The following BEND7 variants were observed in gnomAD, a reference collection of about 807,000 sequenced individuals.
The protein encoded by BEND7 is BEN domain containing 7, also known as BEN domain-containing protein 7.
In BEND7, 28 loss-of-function variants were observed where a neutral mutation model predicts 50.9. The ratio of observed to expected loss-of-function variants is 0.55; its 90% CI spans 0.41 to 0.75. BEND7 has a LOEUF of 0.75. Ranked by LOEUF, BEND7 falls within the 30% of genes least tolerant of loss-of-function variation. The pLI is 0.00. For synonymous variants in BEND7, 170 were observed against 183.9 expected (o/e 0.92, Z 0.61); for missense variants, 477 against 491.3 (o/e 0.97, Z 0.28).
intron 2 of BEND7, among the ~76,000 whole-genome samples, chr10:13,516,936 T>A (rs1362017481): frequency 6.6e-6 from 1 of 152,202 alleles, no homozygotes; most frequent in Non-Finnish European, 1.5e-5. Flanking sequence ...TTTCTCAGTG[T>A]CCATTGAAGA....
chr10:13,441,445 GC>G lies in BEND7; in HGVS notation c.*297del. 1 of 1,163,126 alleles carries G rather than the reference GC, an allele frequency of 8.6e-7. No homozygotes were observed. Among genetic ancestry groups the G allele is most frequent in the South Asian group, 4.1e-5 (1 of 24,618 alleles). The allele number at this position is 1,163,126 out of a possible 1,614,324, so 72.1% of individuals were successfully genotyped here. A position where few individuals can be genotyped will look rare whatever the true frequency, so the allele number is the denominator to read the frequency against. On this transcript the variant is annotated 3_prime_UTR_variant, in exon 9 of 9. Transcript: ENST00000466271. ...TTTCCAGTGTGTAGATCCGTTCATC[GC>G]ACACATCTTTGGGTTGAACAAGCTC... is the stretch of plus-strand genomic sequence containing the variant.
intron 6 of BEND7, among the ~76,000 whole-genome samples, chr10:13,466,157 G>T (rs970940942): frequency 6.6e-6 from 1 of 151,828 alleles, no homozygotes; most frequent in Admixed American, 6.6e-5. Flanking sequence ...CAATGGTTAC[G>T]TCGTATTTAC....
chr10:13,475,387 C>T (rs1417824058), intron 6 of BEND7, among the ~76,000 whole-genome samples: 1 of 152,194 alleles, frequency 6.6e-6, no homozygotes, highest in Non-Finnish European at 1.5e-5. Flanking sequence ...AACATTTAAA[C>T]TAGAATTTGA....
intron 3 of BEND7, among the ~76,000 whole-genome samples, chr10:13,499,528 T>G (rs1354466447): frequency 1.3e-5 from 2 of 152,186 alleles, no homozygotes; most frequent in Non-Finnish European, 2.9e-5. Context: ...TTTAACCTCT[T>G]AAAGGGCTAA....
chr10:13,509,442 C>T (rs1275502313), intron 2 of BEND7, among the ~76,000 whole-genome samples: 1 of 152,186 alleles, frequency 6.6e-6, no homozygotes, highest in Non-Finnish European at 1.5e-5. Flanking sequence ...GAGGCAAGGG[C>T]TGGTGCCTGT....
At chr10:13,513,054 A>G (rs1392810246) in intron 2 of BEND7, among the ~76,000 whole-genome samples, 2 of 152,222 alleles carry the variant, frequency 1.3e-5, no homozygotes, top group Non-Finnish European at 2.9e-5. Flanking sequence ...ACAACTCTTA[A>G]CAACAGTGTG....
chr10:13,455,253 G>A (rs781472288), intron 6 of BEND7, among the ~76,000 whole-genome samples: 30 of 152,106 alleles, frequency 2.0e-4, no homozygotes, highest in Middle Eastern at 6.8e-3. Context: ...GAGTGGAAAG[G>A]GCACAGGCTG....
At chr10:13,508,992 T>C (rs2078093159) in intron 2 of BEND7, among the ~76,000 whole-genome samples, 1 of 152,072 alleles carries the variant, frequency 6.6e-6, no homozygotes, top group Non-Finnish European at 1.5e-5. Context: ...AGGATCCTAG[T>C]GGGAAAACAG....
Position 13,441,582 on chromosome 10 carries a change from T to C in BEND7, c.*161A>G. 1 of 1,465,888 alleles carries C rather than the reference T, an allele frequency of 6.8e-7. No homozygotes were observed. The highest frequency in any genetic ancestry group is 9.0e-7 in the Non-Finnish European group (1 of 1,108,802). The allele number at this position is 1,465,888 out of a possible 1,614,324, so 90.8% of individuals were successfully genotyped here. A position where few individuals can be genotyped will look rare whatever the true frequency, so the allele number is the denominator to read the frequency against. ...CAGACCACAGTTGGAAGTTAGCGTTTCTGCCTTGACCAGCAACATACTCAT... is the reference window on the plus strand; with the variant it reads ...CAGACCACAGTTGGAAGTTAGCGTTCCTGCCTTGACCAGCAACATACTCAT... On this transcript the variant is annotated 3_prime_UTR_variant, in exon 9 of 9. Transcript: ENST00000466271.
At position 13,528,754 on chromosome 10, in the gene BEND7, G is replaced by A. The variant is rs1304111333; in HGVS notation, c.-221C>T. ...GGGGCCCGGCGGCGTGGGCTCCCGG[G>A]CGAAGTTGCCCCCGCGCGGCGCCGC... On this transcript the variant is annotated 5_prime_UTR_variant, in exon 1 of 9. Transcript: ENST00000466271. The A allele has an allele frequency of 6.7e-6, 1 of 148,322 alleles. No individual in the cohort carries two copies. Among genetic ancestry groups the A allele is most frequent in the African/African-American group, 2.5e-5 (1 of 40,770 alleles). 9.2% of individuals were successfully genotyped at this position (148,322 alleles called of 1,614,324 possible).
chr10:13,499,948 A>G lies in BEND7; in HGVS notation c.278T>C (p.Leu93Ser). 6.2e-7 allele frequency: 1 copy of G among 1,614,210 alleles called. No homozygotes were observed. Among genetic ancestry groups the G allele is most frequent in the Non-Finnish European group, 8.5e-7 (1 of 1,180,042 alleles). The change falls in exon 3 of 9, where the codon TTA (leucine) becomes TCA (serine). Residue 93 changes from leucine to serine, a missense_variant. Transcript: ENST00000466271. ...GGAGTTCAAACGTGGAGGCCAGACTAAATCCAGGTCCTGGGGCTCTTCTTT... is the reference window on the plus strand; with the variant it reads ...GGAGTTCAAACGTGGAGGCCAGACTGAATCCAGGTCCTGGGGCTCTTCTTT... ...KLKEEPQDLDLVWPPRLNSSA... is the reference protein window; with the variant it reads ...KLKEEPQDLDSVWPPRLNSSA...
intron 8 of BEND7, chr10:13,446,989 G>A (rs1836477735): frequency 1.5e-5 from 7 of 466,574 alleles, no homozygotes; most frequent in Middle Eastern, 5.7e-4. Context: ...ATGTCCAAAG[G>A]TTTGGGGAGG....
chr10:13,452,594 T>A lies in BEND7; in HGVS notation c.1128A>T (p.Val376=), dbSNP rs2277222. 6.2e-7 allele frequency: 1 copy of A among 1,612,178 alleles called. No homozygotes were observed. Among genetic ancestry groups the A allele is most frequent in the East Asian group, 2.2e-5 (1 of 44,832 alleles). The part of the protein sequence containing the change: ...VDKLPGPRDW[V]QILQDQIKLA... ...GTTTAATTTGATCCTGTAGAATCTG[T>A]ACCCAATCTCTTGGGCCAGGAAGCT... Residue 376 remains valine (V), a synonymous_variant, in exon 7 of 9, where the codon GTA becomes GTT. Coordinates refer to ENST00000466271, the MANE Select transcript of BEND7 (RefSeq NM_001369863.1).
At chr10:13,482,634 A>G (rs1449102813) in intron 5 of BEND7, among the ~76,000 whole-genome samples, 1 of 152,190 alleles carries the variant, frequency 6.6e-6, no homozygotes. Flanking sequence ...CCAAAATAGA[A>G]CTTTTAACTG....
At chr10:13,527,817 A>T in intron 1 of BEND7, 1 of 983,006 alleles carries the variant, frequency 1.0e-6, no homozygotes, top group Non-Finnish European at 1.2e-6. Flanking sequence ...CCCTGACAAA[A>T]TACAAACCCT....
At chr10:13,503,297 C>T (rs2077616683) in intron 2 of BEND7, among the ~76,000 whole-genome samples, 1 of 152,096 alleles carries the variant, frequency 6.6e-6, no homozygotes, top group Non-Finnish European at 1.5e-5. Flanking sequence ...ATCAGGACGT[C>T]GGGGGACTGA....
At chr10:13,491,516 A>G (rs2076660491) in intron 5 of BEND7, among the ~76,000 whole-genome samples, 1 of 151,792 alleles carries the variant, frequency 6.6e-6, no homozygotes, top group South Asian at 2.1e-4. Context: ...TTAAAATTAA[A>G]TTTTTAGACT....
chr10:13,458,215 C>T (rs2131203691), intron 6 of BEND7, among the ~76,000 whole-genome samples: 1 of 152,326 alleles, frequency 6.6e-6, no homozygotes, highest in East Asian at 1.9e-4. Flanking sequence ...AATGAATCAG[C>T]TGCTGGTGGC....
chr10:13,438,954 G>C, downstream of BEND7: 1 of 523,192 alleles, frequency 1.9e-6, no homozygotes, highest in Non-Finnish European at 3.4e-6. Flanking sequence ...GGCAGCACTG[G>C]GAGGCCAGGA....
Sources: gnomAD v4.1 joint callset for allele counts (sites outside exome capture counted in the v4.1 genomes callset) on GRCh38, gnomAD v4.1.1 for gene constraint, MANE v1.5 for transcripts, NCBI Gene and HGNC (gene_info 2026-07-23, HGNC 2026-07-21) for gene names.